CHCHD6: variants seen among roughly 807,000 people sequenced by gnomAD.
CHCHD6 encodes the protein MICOS complex subunit MIC25.
Under a neutral mutation model 32.3 loss-of-function variants are expected in CHCHD6, and 28 were observed. The observed-to-expected ratio is 0.87, with a 90% CI of 0.64 to 1.19. CHCHD6 has a LOEUF of 1.19. CHCHD6 is among the 50% of genes most tolerant of loss of function. The pLI is 0.00. For synonymous variants in CHCHD6, 122 were observed against 117.5 expected, an observed-to-expected ratio of 1.04 and a Z score of -0.25; for missense variants, 333 against 307.0, an observed-to-expected ratio of 1.08 and a Z score of -0.63.
intron 6 of CHCHD6, among the ~76,000 whole-genome samples, chr3:126,921,092 G>C (rs1303226334): frequency 6.6e-6 from 1 of 152,058 alleles, no homozygotes. Flanking sequence ...GGCCACCCCA[G>C]GTAAAGGAAA....
intron 6 of CHCHD6, among the ~76,000 whole-genome samples, chr3:126,924,130 G>A (rs1268840287): frequency 2.0e-5 from 3 of 152,168 alleles, no homozygotes; most frequent in Non-Finnish European, 4.4e-5. Flanking sequence ...GCTACGGTGT[G>A]CGCCGTGCAT....
intron 5 of CHCHD6, among the ~76,000 whole-genome samples, chr3:126,863,489 C>T (rs1942051722): frequency 1.4e-5 from 2 of 144,972 alleles, no homozygotes; most frequent in African/African-American, 2.6e-5. Context: ...ATCACCACCT[C>T]CTCCTCCTCT....
chr3:126,847,302 G>C (rs538450156), intron 4 of CHCHD6, among the ~76,000 whole-genome samples: 1 of 152,288 alleles, frequency 6.6e-6, no homozygotes, highest in South Asian at 2.1e-4. Flanking sequence ...GCAGGAGTCA[G>C]TTCCTTGAGG....
intron 4 of CHCHD6, among the ~76,000 whole-genome samples, chr3:126,755,514 A>T (rs1419271565): frequency 1.3e-5 from 2 of 152,132 alleles, no homozygotes; most frequent in African/African-American, 4.8e-5. Flanking sequence ...TCATTTCACC[A>T]GGCTTCCCAG....
At position 126,943,651 on chromosome 3, in the gene CHCHD6, C is replaced by G. The variant is rs770136477; in HGVS notation, c.567-13765C>G. ...TCCTGGAGGACCTCTTTGGCCTCCT[C>G]TGGTGTCCGTGATGGGGTAGCGAGG... is the stretch of plus-strand genomic sequence containing the variant. On this transcript the variant is annotated intron_variant, in intron 6 of 7. Coordinates refer to ENST00000290913, the MANE Select transcript of CHCHD6 (RefSeq NM_032343.3). 6.8e-4 allele frequency among the ~76,000 whole-genome samples: 104 copies of G among 152,254 alleles called. 1 individual carries two copies. The highest frequency in any genetic ancestry group is 6.1e-3 in the Admixed American group (94 of 15,304).
At chr3:126,923,977 G>A (rs1356144580) in intron 6 of CHCHD6, among the ~76,000 whole-genome samples, 1 of 152,200 alleles carries the variant, frequency 6.6e-6, no homozygotes, top group Admixed American at 6.5e-5. Flanking sequence ...ATCCCAGAGA[G>A]ATGCTCACCT....
At chr3:126,870,787 C>T (rs2077457169) in intron 5 of CHCHD6, among the ~76,000 whole-genome samples, 1 of 152,230 alleles carries the variant, frequency 6.6e-6, no homozygotes, top group Admixed American at 6.5e-5. Context: ...ACCTGTTCTT[C>T]AGCAGCCTGG....
chr3:126,872,873 G>A (rs1344522941), intron 5 of CHCHD6, among the ~76,000 whole-genome samples: 15 of 152,174 alleles, frequency 9.9e-5, no homozygotes, highest in South Asian at 2.1e-4. Flanking sequence ...GATTTCCCTC[G>A]TTTCTCACCG....
chr3:126,768,194 T>G (rs1937452305), intron 4 of CHCHD6, among the ~76,000 whole-genome samples: 1 of 152,184 alleles, frequency 6.6e-6, no homozygotes, highest in Non-Finnish European at 1.5e-5. Flanking sequence ...CACCATCCCC[T>G]TAGTGCTGTT....
intron 5 of CHCHD6, among the ~76,000 whole-genome samples, chr3:126,875,738 T>G (rs1359082895): frequency 6.6e-6 from 1 of 152,194 alleles, no homozygotes; most frequent in African/African-American, 2.4e-5. Flanking sequence ...ATTTTCGCAG[T>G]TTATGCAGTG....
At chr3:126,898,412 G>A (rs2077872680) in intron 5 of CHCHD6, among the ~76,000 whole-genome samples, 1 of 152,230 alleles carries the variant, frequency 6.6e-6, no homozygotes, top group Non-Finnish European at 1.5e-5. Flanking sequence ...GGGCACCGAG[G>A]AGACATGGGG....
At chr3:126,852,599 C>T in intron 4 of CHCHD6, 48 bp from the exon 5 acceptor site, 1 of 1,414,516 alleles carries the variant, frequency 7.1e-7, no homozygotes, top group South Asian at 1.2e-5. Context: ...AGCACCATTC[C>T]AGCACCATCG....
rs374384148 is a variant in CHCHD6, at chr3:126,957,572, C to T, written c.702+21C>T. 2.5e-5 allele frequency: 39 copies of T among 1,554,068 alleles called. No individual in the cohort carries two copies. In the African/African-American group the frequency reaches 5.2e-4, roughly 21 times the overall value. The stretch of plus-strand genomic sequence containing the variant: ...ACAAGGTAAGGCCTTGCCTGCCTCC[C>T]AGGTTTCCAAGGGCCTTGGGAGGTA... On this transcript the variant is annotated intron_variant, in intron 7 of 7. Coordinates refer to ENST00000290913, the MANE Select transcript of CHCHD6 (RefSeq NM_032343.3).
intron 4 of CHCHD6, among the ~76,000 whole-genome samples, chr3:126,744,978 C>T (rs1936433591): frequency 6.6e-6 from 1 of 152,194 alleles, no homozygotes. Flanking sequence ...GTGCCTTCAG[C>T]CATCACATCA....
intron 4 of CHCHD6, among the ~76,000 whole-genome samples, chr3:126,811,776 G>A (rs973115678): frequency 6.6e-5 from 10 of 152,172 alleles, no homozygotes; most frequent in Middle Eastern, 3.2e-3. Context: ...TCCTCAAAGG[G>A]ACTTTATCTC....
chr3:126,900,706 G>A (rs572820113), intron 5 of CHCHD6, among the ~76,000 whole-genome samples: 1,521 of 148,716 alleles, frequency 0.01, 15 homozygotes, highest in South Asian at 0.025. Flanking sequence ...CCAGGTTCAA[G>A]TGATTCTCCT....
intron 1 of CHCHD6, among the ~76,000 whole-genome samples, chr3:126,711,275 G>C (rs557481027): frequency 2.0e-5 from 3 of 152,330 alleles, no homozygotes; most frequent in South Asian, 2.1e-4. Context: ...TCTTGTGGCA[G>C]CTGTGCATGA....
intron 4 of CHCHD6, among the ~76,000 whole-genome samples, chr3:126,745,959 C>T (rs1936483051): frequency 6.6e-6 from 1 of 152,174 alleles, no homozygotes; most frequent in Non-Finnish European, 1.5e-5. Flanking sequence ...TCAAGTCACT[C>T]CCTGCCCCCT....
At chr3:126,833,230 C>T (rs997071877) in intron 4 of CHCHD6, among the ~76,000 whole-genome samples, 1 of 152,110 alleles carries the variant, frequency 6.6e-6, no homozygotes, top group Non-Finnish European at 1.5e-5. Flanking sequence ...AGTTAAGGAG[C>T]CATATTAGGG....
Sources: allele counts gnomAD v4.1 joint callset (sites outside exome capture counted in the v4.1 genomes callset), GRCh38; gene constraint gnomAD v4.1.1; transcripts MANE v1.5; gene names NCBI Gene and HGNC (gene_info 2026-07-23, HGNC 2026-07-21).